The following WDPCP variants were observed in gnomAD, a reference collection of about 807,000 sequenced individuals.
WDPCP encodes the protein WD repeat-containing and planar cell polarity effector protein fritz homolog.
In WDPCP, 71 loss-of-function variants were observed where a neutral mutation model predicts 93.1. That is an observed-to-expected ratio of 0.76 (90% CI 0.63 to 0.93). The LOEUF is 0.93. Ranked by LOEUF, WDPCP falls within the 40% of genes least tolerant of loss-of-function variation. WDPCP has a pLI of 0.00. For synonymous variants in WDPCP, 315 were observed against 315.0 expected (o/e 1.00, Z 0.00); for missense variants, 844 against 887.4 (o/e 0.95, Z 0.62).
intron 17 of WDPCP, among the ~76,000 whole-genome samples, chr2:63,138,834 C>A (rs1670836775): frequency 6.6e-6 from 1 of 152,070 alleles, no homozygotes; most frequent in Admixed American, 6.6e-5. Context: ...TATTAGTACT[C>A]TTTTATCCCT....
chr2:63,197,898 A>T (rs1428140485), intron 14 of WDPCP, among the ~76,000 whole-genome samples: 2 of 152,196 alleles, frequency 1.3e-5, no homozygotes. Context: ...CTGTAATCTT[A>T]GTTAAATCTG....
intron 12 of WDPCP, among the ~76,000 whole-genome samples, chr2:63,318,178 T>C (rs556359078): frequency 6.6e-6 from 1 of 152,298 alleles, no homozygotes; most frequent in East Asian, 1.9e-4. Context: ...TCAGCATCAC[T>C]AATCGTTAGA....
At chr2:63,490,554 G>A (rs1700818725) in intron 2 of WDPCP, among the ~76,000 whole-genome samples, 2 of 152,194 alleles carry the variant, frequency 1.3e-5, no homozygotes, top group Non-Finnish European at 2.9e-5. Context: ...GAGCCCTAAA[G>A]AAGTAGGATT....
chr2:63,346,449 A>G (rs1575191231), intron 12 of WDPCP, among the ~76,000 whole-genome samples: 1 of 152,182 alleles, frequency 6.6e-6, no homozygotes, highest in South Asian at 2.1e-4. Context: ...TTCTGACTTC[A>G]TTCAACAAAA....
At chr2:63,651,208 C>T (rs73934734) in intron 2 of WDPCP, among the ~76,000 whole-genome samples, 1 of 152,074 alleles carries the variant, frequency 6.6e-6, no homozygotes, top group Non-Finnish European at 1.5e-5. Flanking sequence ...TTTTTAAAAG[C>T]CACTATACTT....
At chr2:63,604,925 G>C in intron 3 of WDPCP, 2 of 1,565,732 alleles carry the variant, frequency 1.3e-6, no homozygotes, top group South Asian at 2.3e-5. Context: ...ACTCTTGAGA[G>C]ACTCTTAGGA....
At chr2:63,283,616 C>T (rs967693931) in intron 13 of WDPCP, among the ~76,000 whole-genome samples, 1 of 152,084 alleles carries the variant, frequency 6.6e-6, no homozygotes, top group Non-Finnish European at 1.5e-5. Context: ...CTGGCCTTTA[C>T]AAAAAAAGTT....
At chr2:63,604,652 A>C in intron 3 of WDPCP, 1 of 1,516,636 alleles carries the variant, frequency 6.6e-7, no homozygotes, top group South Asian at 1.2e-5. Flanking sequence ...ATTGGAAATA[A>C]AAACCATTTG....
chr2:63,684,553 A>G, intron 2 of WDPCP: 3 of 714,372 alleles, frequency 4.2e-6, no homozygotes, highest in South Asian at 4.1e-5. Flanking sequence ...TAATGCCCAC[A>G]AGGTACTCTG....
At position 63,827,122 on chromosome 2, in the gene WDPCP, C is replaced by T. The variant is rs147980260; in HGVS notation, n.222+500G>A. ...GTGCAAATTTTAAAAGCAGCTTATA[C>T]TGCATATTTGTTAAAATTCCTTCAA... On this transcript the variant is annotated intron_variant and non_coding_transcript_variant, in intron 1 of 4. Coordinates refer to the WDPCP transcript ENST00000467687. Among the ~76,000 whole-genome samples, 17 of 152,226 alleles carry T rather than the reference C, an allele frequency of 1.1e-4. 1 individual carries two copies. Among genetic ancestry groups the T allele is most frequent in the Admixed American group, 7.8e-4 (12 of 15,288 alleles).
At chr2:63,278,875 A>G (rs1162972149) in intron 13 of WDPCP, among the ~76,000 whole-genome samples, 2 of 152,216 alleles carry the variant, frequency 1.3e-5, no homozygotes, top group Non-Finnish European at 2.9e-5. Context: ...TTGTGTGTAA[A>G]CTAGAAAACC....
At chr2:63,689,939 T>A (rs17028097) in intron 2 of WDPCP, among the ~76,000 whole-genome samples, 1 of 152,256 alleles carries the variant, frequency 6.6e-6, no homozygotes, top group Admixed American at 6.5e-5. Context: ...GCAAAGTGAC[T>A]AGCACAGACT....
At chr2:63,682,626 A>C (rs1242837419) in intron 2 of WDPCP, among the ~76,000 whole-genome samples, 1 of 152,184 alleles carries the variant, frequency 6.6e-6, no homozygotes, top group Non-Finnish European at 1.5e-5. Flanking sequence ...AGTTTATTCA[A>C]ATGGATAATA....
In WDPCP at chr2:63,153,511, A is replaced by G. The variant is rs769550847; in HGVS notation, c.2142T>C (p.Asn714=). The change falls in exon 16 of 18, where the codon AAT becomes AAC. Residue 714 remains asparagine (N), a synonymous_variant. Transcript: ENST00000272321. Reference sequence around the variant, plus strand: ...TACCATTACCTTCTGCATTACAGGTATTAGTCATCAAAAATCCAGAACAGA... The same window carrying G: ...TACCATTACCTTCTGCATTACAGGTGTTAGTCATCAAAAATCCAGAACAGA... ...KDICSGFLMT[N]TCNAEDGELR... 5.0e-6 allele frequency: 8 copies of G among 1,612,332 alleles called. No homozygotes were observed. In the East Asian group the frequency reaches 1.1e-4, roughly 23 times the overall value.
At chr2:63,595,721 G>T (rs1709297529) in intron 3 of WDPCP, among the ~76,000 whole-genome samples, 1 of 152,088 alleles carries the variant, frequency 6.6e-6, no homozygotes, top group Non-Finnish European at 1.5e-5. Context: ...GTCAGGTAAA[G>T]GACTATCCTT....
Position 63,370,676 on chromosome 2 carries a change from T to G in WDPCP, c.1748+7710A>C, listed in dbSNP as rs552910842. Among the ~76,000 whole-genome samples the G allele has an allele frequency of 1.7e-3, 257 of 152,242 alleles. 2 individuals carry two copies. Among genetic ancestry groups the G allele is most frequent in the African/African-American group, 5.8e-3 (240 of 41,566 alleles). Reference sequence around the variant, plus strand: ...TTATAGGAGAAACATTAATTACCATTTTCTTTCATGTGTATAGGACTATTT... The same window carrying G: ...TTATAGGAGAAACATTAATTACCATGTTCTTTCATGTGTATAGGACTATTT... On this transcript the variant is annotated intron_variant, in intron 12 of 17. Transcript: ENST00000272321.
At chr2:63,331,018 C>T (rs1385723491) in intron 12 of WDPCP, among the ~76,000 whole-genome samples, 2 of 151,962 alleles carry the variant, frequency 1.3e-5, no homozygotes, top group African/African-American at 4.8e-5. Context: ...TACAGATGTG[C>T]ACACCCAGCT....
rs1675718081 is a variant in WDPCP at position 63,199,446 on chromosome 2, T to C, written c.1916-24614A>G. On this transcript the variant is annotated intron_variant, in intron 14 of 17. Transcript: ENST00000272321. Reference sequence around the variant, plus strand: ...CGGGGCCCTGCTGCTCTGTGCCGCCTCCAGACATGGCACCCTTCATTGTGG... The same window carrying C: ...CGGGGCCCTGCTGCTCTGTGCCGCCCCCAGACATGGCACCCTTCATTGTGG... Among the ~76,000 whole-genome samples the C allele has an allele frequency of 2.0e-5, 3 of 152,316 alleles. No homozygotes were observed. In the South Asian group the frequency reaches 6.2e-4, roughly 32 times the overall value.
chr2:63,551,863 T>A (rs1285026283), intron 1 of WDPCP, among the ~76,000 whole-genome samples: 2 of 151,822 alleles, frequency 1.3e-5, no homozygotes, highest in Non-Finnish European at 2.9e-5. Context: ...TTTGTCATTG[T>A]CCTTTTCTAA....
Sources: gnomAD v4.1 joint callset for allele counts (sites outside exome capture counted in the v4.1 genomes callset) on GRCh38, gnomAD v4.1.1 for gene constraint, MANE v1.5 for transcripts, NCBI Gene and HGNC (gene_info 2026-07-23, HGNC 2026-07-21) for gene names.